The following TBC1D22A variants were observed in gnomAD, a reference collection of about 807,000 sequenced individuals.
The protein encoded by TBC1D22A is putative GTPase activator.
A neutral mutation model predicts 60.2 loss-of-function variants in TBC1D22A; 38 were observed. That is an observed-to-expected ratio of 0.63 (90% CI 0.49 to 0.83). TBC1D22A has a LOEUF of 0.83. Ranked by LOEUF, TBC1D22A falls within the 40% of genes least tolerant of loss-of-function variation. The probability of loss-of-function intolerance (pLI) is 0.00; values close to 1 mark genes in which losing one functional copy is unlikely to be tolerated. For synonymous variants in TBC1D22A, 302 were observed against 281.7 expected (o/e 1.07, Z -0.72); for missense variants, 628 against 701.0 (o/e 0.90, Z 1.18).
intron 4 of TBC1D22A, among the ~76,000 whole-genome samples, chr22:46,855,270 T>C (rs2087510662): frequency 6.6e-6 from 1 of 152,168 alleles, no homozygotes; most frequent in African/African-American, 2.4e-5. Context: ...TAATACAGAG[T>C]GTGAATGGCA....
intron 11 of TBC1D22A, among the ~76,000 whole-genome samples, chr22:47,077,572 T>C (rs2064276733): frequency 6.6e-6 from 1 of 152,250 alleles, no homozygotes; most frequent in African/African-American, 2.4e-5. Context: ...TGACCTTTAG[T>C]TGCACATTGA....
At chr22:46,868,946 G>T (rs2067179866) in intron 4 of TBC1D22A, among the ~76,000 whole-genome samples, 1 of 152,160 alleles carries the variant, frequency 6.6e-6, no homozygotes, top group Admixed American at 6.5e-5. Context: ...AGTAGGTGGG[G>T]GGTGCCCCTG....
chr22:46,974,007 T>C (rs1238284300), intron 8 of TBC1D22A, among the ~76,000 whole-genome samples: 1 of 152,234 alleles, frequency 6.6e-6, no homozygotes, highest in Non-Finnish European at 1.5e-5. Flanking sequence ...TTCTCTCTTA[T>C]TAGAATGTGA....
intron 4 of TBC1D22A, among the ~76,000 whole-genome samples, chr22:46,871,940 G>GA (rs1490096071): frequency 2.0e-5 from 3 of 151,930 alleles, no homozygotes; most frequent in Admixed American, 1.3e-4. Context: ...CAGAAAAAGA[G>GA]AAAAAACAAG....
At chr22:46,774,745 A>G (rs2083629206) in intron 1 of TBC1D22A, among the ~76,000 whole-genome samples, 1 of 151,986 alleles carries the variant, frequency 6.6e-6, no homozygotes, top group Non-Finnish European at 1.5e-5. Context: ...GGGGCCCCTG[A>G]TATTTCTGGG....
At chr22:47,033,099 C>T (rs1277474893) in intron 10 of TBC1D22A, among the ~76,000 whole-genome samples, 6 of 152,224 alleles carry the variant, frequency 3.9e-5, no homozygotes, top group African/African-American at 1.4e-4. Context: ...TTCTAAACAG[C>T]TGGTTTTAAG....
intron 10 of TBC1D22A, among the ~76,000 whole-genome samples, chr22:47,000,967 C>G (rs1169221969): frequency 6.6e-6 from 1 of 152,134 alleles, no homozygotes; most frequent in Non-Finnish European, 1.5e-5. Context: ...CACCAGTGTT[C>G]TGGGTGTGTG....
intron 8 of TBC1D22A, among the ~76,000 whole-genome samples, chr22:46,941,664 G>GCGGAATATATATA (rs899513764): frequency 3.2e-4 from 25 of 77,536 alleles, no homozygotes; most frequent in African/African-American, 1.3e-3. Context: ...ATATATATAC[G>GCGGAATATATATA]CGGAATATAT....
intron 11 of TBC1D22A, among the ~76,000 whole-genome samples, chr22:47,038,159 A>T (rs1256503677): frequency 6.6e-6 from 1 of 152,168 alleles, no homozygotes; most frequent in Non-Finnish European, 1.5e-5. Flanking sequence ...AGGCACCATT[A>T]TGTGGGATTA....
At chr22:46,778,749 A>C (rs1257087197) in intron 1 of TBC1D22A, among the ~76,000 whole-genome samples, 1 of 143,224 alleles carries the variant, frequency 7.0e-6, no homozygotes, top group South Asian at 2.2e-4. Flanking sequence ...ATAATGATAA[A>C]AAGTATAGTA....
chr22:47,065,176 T>C (rs962582652), intron 11 of TBC1D22A, among the ~76,000 whole-genome samples: 1 of 152,118 alleles, frequency 6.6e-6, no homozygotes, highest in Non-Finnish European at 1.5e-5. Flanking sequence ...TTTTGTATTT[T>C]TATTAGAGAC....
chr22:46,811,910 T>G (rs801475), intron 4 of TBC1D22A, among the ~76,000 whole-genome samples: 67,675 of 151,860 alleles, frequency 0.45, 15,516 homozygotes, highest in African/African-American at 0.56. Flanking sequence ...TGAGATCCCG[T>G]GCTCAGATCC....
chr22:47,060,967 C>G (rs1336208364), intron 11 of TBC1D22A, among the ~76,000 whole-genome samples: 1 of 152,228 alleles, frequency 6.6e-6, no homozygotes, highest in Non-Finnish European at 1.5e-5. Flanking sequence ...ATATTTGCAG[C>G]CCCTGGAATG....
chr22:47,157,610 C>T (rs528299817), intron 12 of TBC1D22A, among the ~76,000 whole-genome samples: 3 of 152,344 alleles, frequency 2.0e-5, no homozygotes, highest in Admixed American at 6.5e-5. Flanking sequence ...TGGCTCCTCG[C>T]TTCAGAGCGT....
intron 12 of TBC1D22A, among the ~76,000 whole-genome samples, chr22:47,168,608 TCA>T (rs1323597315): frequency 6.6e-6 from 1 of 152,104 alleles, no homozygotes; most frequent in Non-Finnish European, 1.5e-5. Context: ...CTGCCCGTTC[TCA>T]CATGAGCCTC....
At chr22:47,042,401 TGAGAGA>T (rs57730619) in intron 11 of TBC1D22A, among the ~76,000 whole-genome samples, 1 of 149,566 alleles carries the variant, frequency 6.7e-6, no homozygotes, top group Non-Finnish European at 1.5e-5. Flanking sequence ...CCAGCCTGTA[TGAGAGA>T]GAGAGAGAGA....
At chr22:47,005,945 T>C (rs989346326) in intron 10 of TBC1D22A, among the ~76,000 whole-genome samples, 2 of 150,844 alleles carry the variant, frequency 1.3e-5, no homozygotes, top group African/African-American at 2.4e-5. Flanking sequence ...CCCTTATATA[T>C]ACACACCCCT....
intron 8 of TBC1D22A, chr22:46,915,301 G>C (rs1193895171): frequency 2.3e-6 from 1 of 427,268 alleles, no homozygotes; most frequent in African/African-American, 2.0e-5. Context: ...GGCTATTCTG[G>C]TTTGCTGAAC....
chr22:46,803,770 C>T (rs2085007232), intron 4 of TBC1D22A, among the ~76,000 whole-genome samples: 1 of 152,212 alleles, frequency 6.6e-6, no homozygotes, highest in South Asian at 2.1e-4. Context: ...AGGCAGCCCC[C>T]TGGCCACCTA....
Sources: gnomAD v4.1 joint callset for allele counts (sites outside exome capture counted in the v4.1 genomes callset) on GRCh38, gnomAD v4.1.1 for gene constraint, MANE v1.5 for transcripts, NCBI Gene and HGNC (gene_info 2026-07-23, HGNC 2026-07-21) for gene names.